The following CD200 variants were observed in gnomAD, a reference collection of about 807,000 sequenced individuals.
CD200 encodes the protein OX-2 membrane glycoprotein.
In CD200, 15 loss-of-function variants were observed where a neutral mutation model predicts 30.9. That is an observed-to-expected ratio of 0.49 (90% CI 0.32 to 0.75). The LOEUF is 0.75. Among genes scored for constraint, CD200 ranks in the 30% least tolerant of loss-of-function variants. The pLI is 0.03. For synonymous variants in CD200, 134 were observed against 126.2 expected, an observed-to-expected ratio of 1.06 and a Z score of -0.41; for missense variants, 262 against 324.2, an observed-to-expected ratio of 0.81 and a Z score of 1.47.
chr3:112,340,010 C>G (rs979574762), intron 1 of CD200, among the ~76,000 whole-genome samples: 1 of 152,038 alleles, frequency 6.6e-6, no homozygotes, highest in African/African-American at 2.4e-5. Context: ...AGAGATTATG[C>G]AACATTGACT....
chr3:112,332,798 T>G, upstream of CD200: 1 of 170,488 alleles, frequency 5.9e-6, no homozygotes, highest in Non-Finnish European at 1.2e-5. Flanking sequence ...AAAAGTCCAT[T>G]GGTTAAATTC....
chr3:112,346,495 A>G (rs2081397312), intron 3 of CD200, among the ~76,000 whole-genome samples: 1 of 151,616 alleles, frequency 6.6e-6, no homozygotes, highest in Non-Finnish European at 1.5e-5. Flanking sequence ...TCCACACCTT[A>G]TAACTTTCAT....
At chr3:112,350,545 T>C (rs9842650) in intron 5 of CD200, among the ~76,000 whole-genome samples, 57,968 of 151,992 alleles carry the variant, frequency 0.38, 11,412 homozygotes, top group African/African-American at 0.46. Context: ...GCAAGAGCAG[T>C]GAGCTAGATA....
At chr3:112,342,187 A>T (rs1210492345) in intron 2 of CD200, among the ~76,000 whole-genome samples, 1 of 151,866 alleles carries the variant, frequency 6.6e-6, no homozygotes, top group Non-Finnish European at 1.5e-5. Context: ...GGAGGGTAGG[A>T]GGTTTGGAAG....
chr3:112,336,780 G>C (rs1294876949), intron 1 of CD200, among the ~76,000 whole-genome samples: 1 of 152,124 alleles, frequency 6.6e-6, no homozygotes, highest in Admixed American at 6.5e-5. Flanking sequence ...AGTGGATATT[G>C]AGGTTCTTGG....
intron 1 of CD200, among the ~76,000 whole-genome samples, chr3:112,339,810 AAACTAATGAC>A (rs2081197671): frequency 6.6e-6 from 1 of 152,268 alleles, no homozygotes; most frequent in Non-Finnish European, 1.5e-5. Context: ...ATAATTGCAC[AAACTAATGAC>A]AGTGATGACT....
At chr3:112,337,982 A>G (rs1576585698) in intron 1 of CD200, among the ~76,000 whole-genome samples, 1 of 152,236 alleles carries the variant, frequency 6.6e-6, no homozygotes, top group East Asian at 1.9e-4. Flanking sequence ...TTTAGGCAAT[A>G]ATGACAAAAA....
chr3:112,348,358 C>G (rs2081451198), intron 4 of CD200, among the ~76,000 whole-genome samples: 1 of 152,178 alleles, frequency 6.6e-6, no homozygotes, highest in Admixed American at 6.5e-5. Context: ...ACTGTATAAT[C>G]TACACTGTGA....
chr3:112,334,437 TTAC>T (rs1412034736), intron 1 of CD200: 1 of 162,312 alleles, frequency 6.2e-6, no homozygotes, highest in Non-Finnish European at 1.3e-5. Context: ...GTATTGGCAT[TTAC>T]TATAACCTAG....
At chr3:112,350,474 G>T (rs1311334013) in intron 5 of CD200, among the ~76,000 whole-genome samples, 1 of 152,032 alleles carries the variant, frequency 6.6e-6, no homozygotes, top group African/African-American at 2.4e-5. Flanking sequence ...TGTAAATTCA[G>T]TACCTCATAA....
At chr3:112,349,320 T>C (rs959546585) in intron 4 of CD200, among the ~76,000 whole-genome samples, 1 of 152,248 alleles carries the variant, frequency 6.6e-6, no homozygotes, top group Non-Finnish European at 1.5e-5. Context: ...AATAAACATG[T>C]ATTCTTTTAA....
intron 5 of CD200, among the ~76,000 whole-genome samples, chr3:112,350,699 T>C (rs2081513115): frequency 6.6e-6 from 1 of 152,224 alleles, no homozygotes; most frequent in Admixed American, 6.5e-5. Flanking sequence ...TTCAGATGAC[T>C]GAAGGATAGG....
In CD200 at chr3:112,345,165, G is replaced by T. The variant is rs2081355308; in HGVS notation, c.298G>T (p.Gly100Ter). The change falls in exon 3 of 6, where the codon GGA (glycine) becomes TGA (stop). Residue 100 changes from glycine (G) to a stop codon, truncating the protein, a stop_gained. Coordinates refer to ENST00000315711, the MANE Select transcript of CD200 (RefSeq NM_005944.7). LOFTEE classifies it high-confidence loss of function. ...GGACAAGATAAACATTACCCAGCTG[G>T]GACTCCAAAACTCAACCATCACCTT... ...YKDKINITQL[G>*]LQNSTITFWN... is the part of the protein sequence containing the mutation. 1 of 1,614,020 alleles carries T rather than the reference G, an allele frequency of 6.2e-7. No individual in the cohort carries two copies. Among genetic ancestry groups the T allele is most frequent in the East Asian group, 2.2e-5 (1 of 44,870 alleles).
chr3:112,349,957 T>G (rs1228718374), intron 5 of CD200, 138 bp downstream of exon 5: 1 of 1,333,230 alleles, frequency 7.5e-7, no homozygotes, highest in Non-Finnish European at 9.6e-7. Context: ...ACAGAAATGT[T>G]GATACTGTTT....
At chr3:112,344,839 TC>T in intron 2 of CD200, 122 bp from the exon 3 acceptor site, 2 of 736,440 alleles carry the variant, frequency 2.7e-6, no homozygotes, top group South Asian at 3.9e-5. Flanking sequence ...ATAAATGTTT[TC>T]TTTTTTGCAT....
intron 2 of CD200, among the ~76,000 whole-genome samples, chr3:112,343,832 C>G (rs1175823953): frequency 6.6e-6 from 1 of 152,024 alleles, no homozygotes; most frequent in East Asian, 1.9e-4. Flanking sequence ...TTTTTCCCTT[C>G]TTACAGTGGT....
chr3:112,343,605 T>C (rs1018838426), intron 2 of CD200, among the ~76,000 whole-genome samples: 54 of 152,298 alleles, frequency 3.5e-4, no homozygotes, highest in African/African-American at 1.2e-3. Context: ...TACCTGGTAG[T>C]TTTTCAAATT....
At chr3:112,342,661 C>G (rs13100916) in intron 2 of CD200, among the ~76,000 whole-genome samples, 63,043 of 151,644 alleles carry the variant, frequency 0.42, 13,090 homozygotes, top group Middle Eastern at 0.45. Context: ...GACCTCAAGT[C>G]ATCCACTCGC....
intron 2 of CD200, among the ~76,000 whole-genome samples, chr3:112,341,907 A>G (rs1376161015): frequency 3.3e-5 from 5 of 152,176 alleles, no homozygotes; most frequent in Non-Finnish European, 7.4e-5. Context: ...AACTTTTCAC[A>G]TCTTCCAAGA....
Sources: gnomAD v4.1 joint callset for allele counts (sites outside exome capture counted in the v4.1 genomes callset) on GRCh38, gnomAD v4.1.1 for gene constraint, MANE v1.5 for transcripts, NCBI Gene and HGNC (gene_info 2026-07-23, HGNC 2026-07-21) for gene names.